DOCK5: variants seen among roughly 807,000 people sequenced by gnomAD.
DOCK5 encodes the protein dedicator of cytokinesis protein 5.
Under a neutral mutation model 251.8 loss-of-function variants are expected in DOCK5, and 142 were observed. The observed-to-expected ratio is 0.56, with a 90% CI of 0.49 to 0.65. The LOEUF (loss-of-function observed/expected upper bound fraction) is 0.65. Ranked by LOEUF, DOCK5 falls within the 30% of genes least tolerant of loss-of-function variation. DOCK5 has a pLI of 0.00. For missense variants in DOCK5, 2,111 were observed against 2,312.3 expected, an observed-to-expected ratio of 0.91 and a Z score of 1.79; for synonymous variants, 842 against 835.5, an observed-to-expected ratio of 1.01 and a Z score of -0.13.
chr8:25,200,134 A>G (rs570246361), intron 1 of DOCK5, among the ~76,000 whole-genome samples: 92 of 152,334 alleles, frequency 6.0e-4, no homozygotes, highest in African/African-American at 1.9e-3. Flanking sequence ...TGAAATGGCA[A>G]TGTGCTGTAT....
chr8:25,405,917 G>T (rs1801514467), intron 48 of DOCK5, among the ~76,000 whole-genome samples: 2 of 152,036 alleles, frequency 1.3e-5, no homozygotes, highest in South Asian at 2.1e-4. Context: ...CACCGTTAAA[G>T]CTCAGGTATA....
chr8:25,222,994 G>T (rs1450918635), intron 1 of DOCK5, among the ~76,000 whole-genome samples: 17 of 152,122 alleles, frequency 1.1e-4, no homozygotes. Context: ...TGCTTCCATG[G>T]AAAGTCCTGG....
At chr8:25,309,818 C>T (rs1805041767) in intron 12 of DOCK5, among the ~76,000 whole-genome samples, 1 of 150,802 alleles carries the variant, frequency 6.6e-6, no homozygotes, top group Admixed American at 6.6e-5. Flanking sequence ...GAGACTCTGT[C>T]TAAAATAAAA....
At chr8:25,193,939 G>A (rs1488394238) in intron 1 of DOCK5, among the ~76,000 whole-genome samples, 2 of 152,058 alleles carry the variant, frequency 1.3e-5, no homozygotes, top group African/African-American at 4.8e-5. Flanking sequence ...GTGAGTAGGT[G>A]AATTCGCAAA....
At chr8:25,298,827 C>T in intron 7 of DOCK5, 117 bp from the exon 8 acceptor site, 1 of 1,129,494 alleles carries the variant, frequency 8.9e-7, no homozygotes, top group East Asian at 2.7e-5. Flanking sequence ...CAGGAATGAG[C>T]CACTGTGCCC....
intron 2 of DOCK5, among the ~76,000 whole-genome samples, chr8:25,261,221 A>G (rs1803571246): frequency 6.6e-6 from 1 of 152,002 alleles, no homozygotes; most frequent in Admixed American, 6.6e-5. Flanking sequence ...TTACATATAT[A>G]TTTTTTTCTT....
intron 18 of DOCK5, among the ~76,000 whole-genome samples, chr8:25,331,793 TATATATATAG>T (rs1373087504): frequency 2.8e-4 from 10 of 36,100 alleles, no homozygotes; most frequent in African/African-American, 6.5e-4. Flanking sequence ...TATATATATA[TATATATATAG>T]AGAGAGAGAG....
rs1801672920 is a variant in DOCK5 at position 25,414,067 on chromosome 8, C to T, written c.*2769C>T. 2 of 152,168 alleles carry T rather than the reference C, an allele frequency of 1.3e-5. No individual in the cohort carries two copies. The highest frequency in any genetic ancestry group is 4.8e-5 in the African/African-American group (2 of 41,442). The allele number at this position is 152,168 out of a possible 1,614,324, so 9.4% of individuals were successfully genotyped here. A position where few individuals can be genotyped will look rare whatever the true frequency, so the allele number is the denominator to read the frequency against. ...ACATTGAAATTATCCCTAAAATTGT[C>T]ACAACTTTTGTGAATACTGGTATAC... On this transcript the variant is annotated 3_prime_UTR_variant, in exon 52 of 52. Transcript: ENST00000276440.
At chr8:25,189,072 A>G (rs1801512269) in intron 1 of DOCK5, among the ~76,000 whole-genome samples, 1 of 123,630 alleles carries the variant, frequency 8.1e-6, no homozygotes, top group Admixed American at 1.0e-4. Flanking sequence ...TTTTTGAGAC[A>G]GGGCCTCACT....
At chr8:25,337,876 C>T (rs117430161) in intron 22 of DOCK5, among the ~76,000 whole-genome samples, 4,548 of 151,864 alleles carry the variant, frequency 0.03, 136 homozygotes, top group African/African-American at 0.076. Context: ...TGAGCCACTG[C>T]GCCTGGCCCG....
intron 3 of DOCK5, among the ~76,000 whole-genome samples, chr8:25,272,646 C>T (rs376563494): frequency 5.9e-5 from 9 of 152,154 alleles, no homozygotes; most frequent in African/African-American, 1.9e-4. Context: ...CCAGCGCCTC[C>T]GCAACCCCAC....
chr8:25,190,167 G>T (rs561625253), intron 1 of DOCK5, among the ~76,000 whole-genome samples: 2 of 152,204 alleles, frequency 1.3e-5, no homozygotes, highest in African/African-American at 4.8e-5. Flanking sequence ...GATTACAGGC[G>T]TGAGCCACCG....
intron 27 of DOCK5, among the ~76,000 whole-genome samples, chr8:25,357,815 T>C (rs564388547): frequency 1.3e-5 from 2 of 152,316 alleles, no homozygotes; most frequent in African/African-American, 4.8e-5. Flanking sequence ...TCATCTGTCC[T>C]GTGCTAAATT....
rs542180069 is a variant in DOCK5, at chr8:25,318,058, T to TTTTTC, written c.1443+946_1443+950dup. On this transcript the variant is annotated intron_variant, in intron 14 of 51. Transcript: ENST00000276440. The stretch of plus-strand genomic sequence containing the variant: ...CCAGTGTTCCTCCAACTCTGGCAGC[T>TTTTTC]TTTTCTTTTCTTTTCTTTTCTTTCT... Among the ~76,000 whole-genome samples, 71 of 152,142 alleles carry TTTTTC rather than the reference T, an allele frequency of 4.7e-4. No homozygotes were observed. The East Asian group carries it at 9.1e-3, about 20-fold the overall frequency.
At chr8:25,218,636 A>G (rs923342198) in intron 1 of DOCK5, among the ~76,000 whole-genome samples, 2 of 152,230 alleles carry the variant, frequency 1.3e-5, no homozygotes, top group African/African-American at 4.8e-5. Context: ...GCAATGGACA[A>G]TGCAGGAGAA....
intron 2 of DOCK5, among the ~76,000 whole-genome samples, chr8:25,249,454 C>G (rs1255103694): frequency 6.6e-6 from 1 of 152,202 alleles, no homozygotes; most frequent in Non-Finnish European, 1.5e-5. Flanking sequence ...AGAACACTTT[C>G]ATCATCCCAT....
At chr8:25,346,800 G>A (rs1019683672) in intron 26 of DOCK5, among the ~76,000 whole-genome samples, 1 of 150,904 alleles carries the variant, frequency 6.6e-6, no homozygotes, top group East Asian at 2.0e-4. Context: ...CTCCAGCCTG[G>A]GTAATAGATT....
chr8:25,289,394 C>G (rs1469782303), intron 5 of DOCK5, among the ~76,000 whole-genome samples: 2 of 151,662 alleles, frequency 1.3e-5, no homozygotes, highest in African/African-American at 4.8e-5. Context: ...TCAAGTGATC[C>G]TCTTGCCTCG....
At chr8:25,200,697 T>C (rs192096337) in intron 1 of DOCK5, among the ~76,000 whole-genome samples, 151 of 152,354 alleles carry the variant, frequency 9.9e-4, no homozygotes, top group African/African-American at 3.4e-3. Context: ...TACATTTTGC[T>C]TTCTGCCATT....
Sources: allele counts gnomAD v4.1 joint callset (sites outside exome capture counted in the v4.1 genomes callset), GRCh38; gene constraint gnomAD v4.1.1; transcripts MANE v1.5; gene names NCBI Gene and HGNC (gene_info 2026-07-23, HGNC 2026-07-21).